The following LRP2 variants were observed in gnomAD, a reference collection of about 807,000 sequenced individuals.
LRP2 encodes LDL receptor related protein 2, also known as low-density lipoprotein receptor-related protein 2.
LRP2 carries 172 observed loss-of-function variants against 531.0 expected under a neutral mutation model. The observed-to-expected ratio is 0.32, with a 90% CI of 0.29 to 0.37. LRP2 has a LOEUF of 0.37. Ranked by LOEUF, LRP2 falls within the 10% of genes least tolerant of loss-of-function variation. LRP2 has a pLI of 1.00. For missense variants in LRP2, 5,167 were observed against 5,868.3 expected, an observed-to-expected ratio of 0.88 and a Z score of 3.90; for synonymous variants, 1,992 against 2,027.6, an observed-to-expected ratio of 0.98 and a Z score of 0.47.
At chr2:169,258,904 T>G (rs960895603) in intron 17 of LRP2, 121 bp downstream of exon 17, 9 of 878,362 alleles carry the variant, frequency 1.0e-5, no homozygotes, top group African/African-American at 1.7e-5. Context: ...TTAAGGTGAT[T>G]TCAACTTATA....
intron 35 of LRP2, among the ~76,000 whole-genome samples, chr2:169,215,266 A>C (rs1389154273): frequency 6.6e-6 from 1 of 152,214 alleles, no homozygotes; most frequent in Non-Finnish European, 1.5e-5. Context: ...ATCAATGTCA[A>C]GGATCTGAAG....
At chr2:169,258,794 G>A (rs1169222307) in intron 17 of LRP2, among the ~76,000 whole-genome samples, 1 of 152,030 alleles carries the variant, frequency 6.6e-6, no homozygotes, top group Non-Finnish European at 1.5e-5. Context: ...CTTCAGTGAA[G>A]ACTGAGAAAG....
intron 22 of LRP2, among the ~76,000 whole-genome samples, chr2:169,243,817 C>T (rs1689903146): frequency 6.7e-6 from 1 of 150,266 alleles, no homozygotes; most frequent in African/African-American, 2.4e-5. Flanking sequence ...GACTACATTT[C>T]ATGAATACTA....
At chr2:169,316,572 T>C (rs1459455902) in intron 3 of LRP2, among the ~76,000 whole-genome samples, 2 of 152,034 alleles carry the variant, frequency 1.3e-5, no homozygotes, top group African/African-American at 2.4e-5. Flanking sequence ...AGAAGGAAAA[T>C]CCAGTTCAGG....
chr2:169,238,979 C>A (rs1689707294), intron 26 of LRP2, among the ~76,000 whole-genome samples: 2 of 152,188 alleles, frequency 1.3e-5, no homozygotes, highest in South Asian at 2.1e-4. Context: ...AAACCTGGAG[C>A]ATTGGAACCC....
At chr2:169,211,663 T>C (rs1379970029) in intron 37 of LRP2, among the ~76,000 whole-genome samples, 1 of 152,134 alleles carries the variant, frequency 6.6e-6, no homozygotes, top group Non-Finnish European at 1.5e-5. Context: ...GCGTGATCCA[T>C]GGGCCAGCAC....
intron 1 of LRP2, among the ~76,000 whole-genome samples, chr2:169,332,369 G>A (rs1053751791): frequency 6.6e-6 from 1 of 151,566 alleles, no homozygotes; most frequent in Non-Finnish European, 1.5e-5. Flanking sequence ...CTAAAGAAAC[G>A]AGAAGAGAGA....
intron 9 of LRP2, among the ~76,000 whole-genome samples, chr2:169,285,196 C>A (rs1683822081): frequency 1.3e-5 from 2 of 151,154 alleles, no homozygotes; most frequent in South Asian, 2.1e-4. Flanking sequence ...GAGGCACGTG[C>A]CTGTAGTCCC....
At chr2:169,260,321 G>A (rs555948359) in intron 16 of LRP2, among the ~76,000 whole-genome samples, 1 of 152,234 alleles carries the variant, frequency 6.6e-6, no homozygotes, top group East Asian at 1.9e-4. Context: ...CAAAGCAGAG[G>A]TCTGGGGTGG....
chr2:169,287,348 C>T (rs1025046342), intron 9 of LRP2, among the ~76,000 whole-genome samples: 4 of 151,966 alleles, frequency 2.6e-5, no homozygotes, highest in Admixed American at 6.6e-5. Flanking sequence ...CTTAAAGTAC[C>T]TTGTTGAATA....
At position 169,284,668 on chromosome 2, in the gene LRP2, A is replaced by G. The variant is rs78154093; in HGVS notation, c.1043-1667T>C. Among the ~76,000 whole-genome samples, 1,465 of 152,272 alleles carry G rather than the reference A, an allele frequency of 9.6e-3. 12 individuals are homozygous for G. The highest frequency in any genetic ancestry group is 0.014 in the Non-Finnish European group (920 of 68,016). ...CAAGGACCGTGACTAACCAGAGGAA[A>G]AAAAACCCAATCCGATCTGGACACT... On this transcript the variant is annotated intron_variant, in intron 9 of 78. Transcript: ENST00000649046.
intron 4 of LRP2, among the ~76,000 whole-genome samples, chr2:169,300,477 A>C (rs1684260166): frequency 6.6e-6 from 1 of 152,126 alleles, no homozygotes; most frequent in Non-Finnish European, 1.5e-5. Flanking sequence ...TATGTAAAAA[A>C]AATTTTTTTA....
chr2:169,238,131 T>C lies in LRP2; in HGVS notation c.4466A>G (p.Lys1489Arg). The C allele has an allele frequency of 6.2e-7, 1 of 1,614,142 alleles. No individual in the cohort carries two copies. The highest frequency in any genetic ancestry group is 8.5e-7 in the Non-Finnish European group (1 of 1,179,994). ...TCCATTTTGAAACGCACTCCAGGTT[T>C]TACCCTGAGTTGCATCAGACCAAAA... The part of the protein sequence containing the change: ...RIFWSDATQG[K>R]TWSAFQNGTD... Residue 1489 changes from lysine (K) to arginine (R), a missense_variant, in exon 27 of 79, where the codon AAA (lysine) becomes AGA (arginine). Lys to Arg is a conservative substitution (Grantham distance 26). This residue lies in a region of LRP2 where 2,811 missense variants were observed against 3,058.0 expected (regional missense o/e 0.92). Coordinates refer to ENST00000649046, the MANE Select transcript of LRP2 (RefSeq NM_004525.3).
chr2:169,146,800 C>T lies in LRP2; in HGVS notation c.12750G>A (p.Lys4250=). Residue 4250 remains lysine (K), a synonymous_variant, in exon 69 of 79, where the codon AAG becomes AAA. Transcript: ENST00000649046. ...NNDRIYWSDF[K]EDVIETIKYD... ...ATTTTATGGTTTCAATAACGTCCTC[C>T]TTGAAGTCACTCCAGTAGATTCGGT... is the stretch of plus-strand genomic sequence containing the variant. 2 of 1,614,170 alleles carry T rather than the reference C, an allele frequency of 1.2e-6. No homozygotes were observed. Among genetic ancestry groups the T allele is most frequent in the South Asian group, 1.1e-5 (1 of 91,080 alleles).
At chr2:169,191,700 A>C in intron 48 of LRP2, 132 bp downstream of exon 48, 1 of 707,520 alleles carries the variant, frequency 1.4e-6, no homozygotes, top group Non-Finnish European at 2.5e-6. Context: ...AAAGGAATCC[A>C]AACATTTTCA....
intron 19 of LRP2, among the ~76,000 whole-genome samples, chr2:169,251,235 T>G (rs1271012755): frequency 2.6e-3 from 56 of 21,840 alleles, no homozygotes; most frequent in African/African-American, 9.2e-3. Flanking sequence ...ACCACATAGT[T>G]GGAAGTAAAG....
chr2:169,164,510 G>A (rs1356074447), intron 62 of LRP2, among the ~76,000 whole-genome samples: 1 of 152,218 alleles, frequency 6.6e-6, no homozygotes, highest in East Asian at 1.9e-4. Flanking sequence ...CCACGTGACT[G>A]GTTCTGACCA....
intron 31 of LRP2, 149 bp downstream of exon 31, chr2:169,231,565 A>G (rs1228506888): frequency 1.1e-6 from 1 of 933,364 alleles, no homozygotes; most frequent in Non-Finnish European, 1.8e-6. Context: ...CAGTGACATC[A>G]CCCCATACAA....
intron 61 of LRP2, among the ~76,000 whole-genome samples, chr2:169,167,657 C>T (rs945845641): frequency 1.3e-5 from 2 of 151,956 alleles, no homozygotes; most frequent in Admixed American, 6.6e-5. Flanking sequence ...GGATAGGGTG[C>T]ATCCCATGAA....
Sources: allele counts gnomAD v4.1 joint callset (sites outside exome capture counted in the v4.1 genomes callset), GRCh38; gene constraint gnomAD v4.1.1; regional missense constraint gnomAD v4.1.1; transcripts MANE v1.5; gene names NCBI Gene and HGNC (gene_info 2026-07-23, HGNC 2026-07-21).